The following RAB27A variants were observed in gnomAD, a reference collection of about 807,000 sequenced individuals.
The protein encoded by RAB27A is RAB27A, member RAS oncogene family.
In RAB27A, 17 loss-of-function variants were observed where a neutral mutation model predicts 20.8. The ratio of observed to expected loss-of-function variants is 0.82; its 90% CI spans 0.56 to 1.23. The LOEUF is 1.23. Ranked by LOEUF, RAB27A falls within the 50% of genes most tolerant of loss-of-function variation. The pLI, the probability that RAB27A is intolerant of heterozygous loss-of-function variation, is 0.00. For missense variants in RAB27A, 277 were observed against 266.7 expected, an observed-to-expected ratio of 1.04 and a Z score of -0.27; for synonymous variants, 85 against 92.8, an observed-to-expected ratio of 0.92 and a Z score of 0.48.
Position 55,314,649 on chromosome 15 carries a change from G to A in RAB27A, c.-233-489C>T, listed in dbSNP as rs562407577. Reference sequence around the variant, plus strand: ...ACAGACAAACAGCCAAATCATGAGTGAACTCCTATTCACAACTGCTACAAA... The same window carrying A: ...ACAGACAAACAGCCAAATCATGAGTAAACTCCTATTCACAACTGCTACAAA... On this transcript the variant is annotated intron_variant, in intron 1 of 5. Coordinates refer to the RAB27A transcript ENST00000563262. Among the ~76,000 whole-genome samples, 10 of 152,274 alleles carry A rather than the reference G, an allele frequency of 6.6e-5. No homozygotes were observed. The South Asian group carries it at 2.1e-3, about 32-fold the overall frequency.
chr15:55,219,509 C>A (rs1173518228), intron 6 of RAB27A, among the ~76,000 whole-genome samples: 3 of 152,158 alleles, frequency 2.0e-5, no homozygotes, highest in African/African-American at 7.2e-5. Flanking sequence ...CATCTAGAAA[C>A]TGATCATCAG....
Position 55,219,962 on chromosome 15 carries a change from C to CA in RAB27A, c.467+3926dup, listed in dbSNP as rs889404448. On this transcript the variant is annotated intron_variant, in intron 6 of 6. Transcript: ENST00000336787. ...CACAGCAAAAACAAACAAACAACAA[C>CA]AAAAAAAAAAACATGGAAAATTAGC... 9.9e-3 allele frequency among the ~76,000 whole-genome samples: 1,437 copies of CA among 144,880 alleles called. 11 individuals carry two copies. Among genetic ancestry groups the CA allele is most frequent in the Non-Finnish European group, 0.014 (928 of 65,470 alleles).
chr15:55,241,600 T>TTA (rs58693379), intron 2 of RAB27A, among the ~76,000 whole-genome samples: 12,530 of 123,674 alleles, frequency 0.1, 746 homozygotes, highest in Non-Finnish European at 0.12. Context: ...CAAGACCTAT[T>TTA]TATATATATA....
intron 2 of RAB27A, among the ~76,000 whole-genome samples, chr15:55,264,121 G>C (rs1317543503): frequency 6.6e-6 from 1 of 152,144 alleles, no homozygotes; most frequent in Non-Finnish European, 1.5e-5. Context: ...GTCCGATCTT[G>C]GCTCATTGCA....
intron 2 of RAB27A, among the ~76,000 whole-genome samples, chr15:55,246,273 T>TAC (rs1773152393): frequency 6.6e-6 from 1 of 152,226 alleles, no homozygotes; most frequent in Admixed American, 6.5e-5. Context: ...TCTGAAATGT[T>TAC]ACCATCACCT....
At chr15:55,225,066 A>G (rs1280068775) in intron 5 of RAB27A, among the ~76,000 whole-genome samples, 1 of 152,224 alleles carries the variant, frequency 6.6e-6, no homozygotes, top group Admixed American at 6.5e-5. Flanking sequence ...ATGAAAAGCC[A>G]TGCCCTTTCT....
At chr15:55,230,349 A>G in intron 4 of RAB27A, 52 bp downstream of exon 4, 1 of 1,496,094 alleles carries the variant, frequency 6.7e-7, no homozygotes. Flanking sequence ...TGAAGAATGT[A>G]ACTATTTTTC....
At chr15:55,314,323 T>C (rs758878839) in intron 1 of RAB27A, among the ~76,000 whole-genome samples, 42 of 152,192 alleles carry the variant, frequency 2.8e-4, no homozygotes, top group Non-Finnish European at 4.6e-4. Flanking sequence ...ATAGATCTCA[T>C]TGAAAACACA....
intron 6 of RAB27A, among the ~76,000 whole-genome samples, chr15:55,214,423 G>A (rs573509526): frequency 3.9e-4 from 60 of 152,292 alleles, no homozygotes; most frequent in Admixed American, 1.2e-3. Flanking sequence ...GCGACAGAGC[G>A]AGACTCCGTC....
At chr15:55,299,708 G>A (rs2054963507) in intron 2 of RAB27A, among the ~76,000 whole-genome samples, 1 of 151,938 alleles carries the variant, frequency 6.6e-6, no homozygotes, top group Non-Finnish European at 1.5e-5. Context: ...GATTAGTTCT[G>A]GGACCAGAAA....
At chr15:55,275,862 A>C (rs1018905945) in intron 1 of RAB27A, among the ~76,000 whole-genome samples, 6 of 150,036 alleles carry the variant, frequency 4.0e-5, no homozygotes, top group African/African-American at 1.5e-4. Context: ...CAGCAGAGAA[A>C]TGCAAATCAA....
At chr15:55,225,678 A>C (rs1427872961) in intron 5 of RAB27A, among the ~76,000 whole-genome samples, 2 of 152,210 alleles carry the variant, frequency 1.3e-5, no homozygotes, top group Non-Finnish European at 2.9e-5. Context: ...TATTTTGGGT[A>C]GTCTAGGAAG....
intron 2 of RAB27A, among the ~76,000 whole-genome samples, chr15:55,306,516 G>T (rs369849021): frequency 2.6e-5 from 4 of 152,148 alleles, no homozygotes; most frequent in African/African-American, 9.7e-5. Context: ...TCTCTTGCCT[G>T]ATCTTGAACT....
chr15:55,285,111 A>G (rs560417044), intron 1 of RAB27A, among the ~76,000 whole-genome samples: 1 of 152,348 alleles, frequency 6.6e-6, no homozygotes, highest in African/African-American at 2.4e-5. Context: ...CAAATAATGT[A>G]TAAGATATAG....
chr15:55,220,915 T>C (rs575078887), intron 6 of RAB27A, among the ~76,000 whole-genome samples: 47 of 152,374 alleles, frequency 3.1e-4, no homozygotes, highest in African/African-American at 1.1e-3. Flanking sequence ...TAAGGGACTC[T>C]GTTTCTAGCC....
chr15:55,304,357 C>T (rs531772030), intron 2 of RAB27A, among the ~76,000 whole-genome samples: 2 of 151,602 alleles, frequency 1.3e-5, no homozygotes, highest in East Asian at 3.9e-4. Context: ...CCTAGGAAAA[C>T]CAGAGACCTT....
At chr15:55,305,723 G>A (rs1342485365) in intron 2 of RAB27A, among the ~76,000 whole-genome samples, 1 of 152,178 alleles carries the variant, frequency 6.6e-6, no homozygotes, top group African/African-American at 2.4e-5. Context: ...TCAGTGGTTA[G>A]CAAGTCTAAA....
At chr15:55,257,483 G>C (rs1328961540) in intron 2 of RAB27A, among the ~76,000 whole-genome samples, 1 of 152,236 alleles carries the variant, frequency 6.6e-6, no homozygotes, top group Non-Finnish European at 1.5e-5. Context: ...ATGATGGGCA[G>C]TCCCTGCTGC....
intron 6 of RAB27A, among the ~76,000 whole-genome samples, chr15:55,209,919 TAC>T (rs140377385): frequency 0.063 from 5,629 of 89,720 alleles, 1,781 homozygotes; most frequent in African/African-American, 0.31. Flanking sequence ...TGTATGTATA[TAC>T]ACACATATAT....
Sources: allele counts gnomAD v4.1 joint callset (sites outside exome capture counted in the v4.1 genomes callset), GRCh38; gene constraint gnomAD v4.1.1; transcripts MANE v1.5; gene names NCBI Gene and HGNC (gene_info 2026-07-23, HGNC 2026-07-21).